The following ADAMTS19 variants were observed in gnomAD, a reference collection of about 807,000 sequenced individuals.
The protein encoded by ADAMTS19 is A disintegrin and metalloproteinase with thrombospondin motifs 19.
A neutral mutation model predicts 153.3 loss-of-function variants in ADAMTS19; 93 were observed. The ratio of observed to expected loss-of-function variants is 0.61; its 90% CI spans 0.51 to 0.72. ADAMTS19 has a LOEUF of 0.72. Among genes scored for constraint, ADAMTS19 ranks in the 30% least tolerant of loss-of-function variants. The pLI is 0.00. For missense variants in ADAMTS19, 1,482 were observed against 1,552.1 expected, an observed-to-expected ratio of 0.95 and a Z score of 0.76; for synonymous variants, 600 against 556.6, an observed-to-expected ratio of 1.08 and a Z score of -1.10.
chr5:129,537,954 G>GAA (rs559991497), intron 6 of ADAMTS19, among the ~76,000 whole-genome samples: 2 of 151,300 alleles, frequency 1.3e-5, no homozygotes, highest in African/African-American at 4.9e-5. Context: ...CACAAAAAAA[G>GAA]AAAAAAAAGA....
intron 10 of ADAMTS19, among the ~76,000 whole-genome samples, chr5:129,631,625 G>A (rs1484167101): frequency 5.3e-5 from 8 of 151,880 alleles, no homozygotes; most frequent in Non-Finnish European, 7.4e-5. Context: ...ACTGGTAGAA[G>A]TATAACTTTT....
chr5:129,658,091 C>T (rs555631110), intron 14 of ADAMTS19, among the ~76,000 whole-genome samples: 62 of 152,072 alleles, frequency 4.1e-4, no homozygotes, highest in South Asian at 1.7e-3. Flanking sequence ...TCGAGACCAG[C>T]GTGAGCAACA....
chr5:129,536,302 C>T (rs1433386563), intron 6 of ADAMTS19, among the ~76,000 whole-genome samples: 2 of 152,112 alleles, frequency 1.3e-5, no homozygotes, highest in African/African-American at 4.8e-5. Flanking sequence ...CCAAAAGACA[C>T]ATGAAAAAAT....
At chr5:129,471,521 A>G (rs1207799443) in intron 2 of ADAMTS19, among the ~76,000 whole-genome samples, 1 of 152,128 alleles carries the variant, frequency 6.6e-6, no homozygotes, top group African/African-American at 2.4e-5. Flanking sequence ...CTCTAAATAA[A>G]TGAATAAATA....
chr5:129,597,863 C>T (rs192396793), intron 8 of ADAMTS19, among the ~76,000 whole-genome samples: 2 of 148,172 alleles, frequency 1.3e-5, no homozygotes, highest in Non-Finnish European at 3.0e-5. Context: ...GATTACGCCA[C>T]TGCACTCCAG....
intron 16 of ADAMTS19, among the ~76,000 whole-genome samples, chr5:129,678,688 T>A (rs536584542): frequency 1.1e-4 from 17 of 152,204 alleles, no homozygotes; most frequent in Non-Finnish European, 2.2e-4. Flanking sequence ...TTCAAAATCT[T>A]TAAATGTTCA....
At chr5:129,669,622 C>T (rs1266657829) in intron 16 of ADAMTS19, among the ~76,000 whole-genome samples, 1 of 151,922 alleles carries the variant, frequency 6.6e-6, no homozygotes, top group African/African-American at 2.4e-5. Flanking sequence ...TATCTCTAAT[C>T]TAATCTTATC....
chr5:129,472,194 T>G (rs1314063240), intron 2 of ADAMTS19, among the ~76,000 whole-genome samples: 1 of 152,248 alleles, frequency 6.6e-6, no homozygotes, highest in African/African-American at 2.4e-5. Flanking sequence ...CATTCGTTTT[T>G]CTCTGCAACC....
At chr5:129,663,438 A>T (rs1023235390) in intron 15 of ADAMTS19, among the ~76,000 whole-genome samples, 7 of 152,214 alleles carry the variant, frequency 4.6e-5, no homozygotes, top group Non-Finnish European at 1.5e-5. Flanking sequence ...TGTTAGATAC[A>T]AATTGCAAAG....
chr5:129,542,711 G>A (rs951679969), intron 6 of ADAMTS19, among the ~76,000 whole-genome samples: 1 of 151,738 alleles, frequency 6.6e-6, no homozygotes, highest in Non-Finnish European at 1.5e-5. Flanking sequence ...TCTAATTTTG[G>A]TACATATTTT....
chr5:129,683,993 G>C, intron 17 of ADAMTS19, 127 bp from the exon 18 acceptor site: 1 of 1,004,718 alleles, frequency 1.0e-6, no homozygotes, highest in Non-Finnish European at 1.4e-6. Flanking sequence ...GTCCACAACA[G>C]CAACAACAAC....
chr5:129,737,417 A>G lies in ADAMTS19; in HGVS notation c.*199A>G, dbSNP rs1757717993. 5.3e-6 allele frequency: 2 copies of G among 378,836 alleles called. No individual in the cohort carries two copies. The highest frequency in any genetic ancestry group is 4.8e-5 in the Admixed American group (1 of 20,628). 23.5% of individuals were successfully genotyped at this position (378,836 alleles called of 1,614,324 possible). On this transcript the variant is annotated 3_prime_UTR_variant, in exon 23 of 23. Coordinates refer to ENST00000274487, the MANE Select transcript of ADAMTS19 (RefSeq NM_133638.6). ...TTTGATTTATACTATATGGCTTCAT[A>G]AATAATTTTATATGAATGAATTAGT...
chr5:129,647,854 C>A lies in ADAMTS19; in HGVS notation c.1962C>A (p.Thr654=). The A allele has an allele frequency of 6.2e-7, 1 of 1,614,100 alleles. No individual in the cohort carries two copies. Among genetic ancestry groups the A allele is most frequent in the Non-Finnish European group, 8.5e-7 (1 of 1,179,984 alleles). ...GCCTGTGGAGTCCTTGTAGCCGAAC[C>A]TGCAGTGCTGGGATCAGCAGTCGAG... ...EWSLWSPCSR[T]CSAGISSRER... The change falls in exon 12 of 23, where the codon ACC becomes ACA. Residue 654 remains threonine, a synonymous_variant. Transcript: ENST00000274487.
intron 2 of ADAMTS19, among the ~76,000 whole-genome samples, chr5:129,501,634 A>G (rs1389174296): frequency 6.6e-6 from 1 of 152,108 alleles, no homozygotes. Context: ...CTTTCATTTG[A>G]ATCCTGTCTT....
chr5:129,620,291 GTAT>G (rs536057353), intron 8 of ADAMTS19, among the ~76,000 whole-genome samples: 83 of 152,028 alleles, frequency 5.5e-4, no homozygotes, highest in African/African-American at 1.9e-3. Context: ...AAACATAAAT[GTAT>G]TATTTCTGAG....
intron 3 of ADAMTS19, among the ~76,000 whole-genome samples, chr5:129,520,447 G>A (rs913122548): frequency 5.3e-5 from 8 of 152,108 alleles, no homozygotes; most frequent in African/African-American, 1.4e-4. Flanking sequence ...TATGAGTAAC[G>A]TCAGCCTCTA....
intron 10 of ADAMTS19, among the ~76,000 whole-genome samples, chr5:129,624,277 T>C (rs946161288): frequency 1.3e-5 from 2 of 152,102 alleles, no homozygotes; most frequent in African/African-American, 4.8e-5. Context: ...GTGACAATTA[T>C]GACATTGGTT....
chr5:129,528,737 C>A, intron 6 of ADAMTS19, 60 bp downstream of exon 6: 1 of 1,319,812 alleles, frequency 7.6e-7, no homozygotes. Flanking sequence ...CTGTTGATCC[C>A]ATTAATCCCT....
intron 21 of ADAMTS19, among the ~76,000 whole-genome samples, chr5:129,731,083 CCAATAG>C (rs1757424584): frequency 6.6e-6 from 1 of 151,958 alleles, no homozygotes; most frequent in African/African-American, 2.4e-5. Context: ...CTCATCCTCC[CCAATAG>C]CTAGAATTAC....
Sources: allele counts gnomAD v4.1 joint callset (sites outside exome capture counted in the v4.1 genomes callset), GRCh38; gene constraint gnomAD v4.1.1; transcripts MANE v1.5; gene names NCBI Gene and HGNC (gene_info 2026-07-23, HGNC 2026-07-21).